BMPR2: variants seen among roughly 807,000 people sequenced by gnomAD.
BMPR2 encodes the protein bone morphogenetic protein receptor type-2.
Under a neutral mutation model 100.8 loss-of-function variants are expected in BMPR2, and 29 were observed. The observed-to-expected ratio is 0.29, with a 90% CI of 0.21 to 0.39. BMPR2 has a LOEUF of 0.39. Among genes scored for constraint, BMPR2 ranks in the 10% least tolerant of loss-of-function variants. The pLI, the probability that BMPR2 is intolerant of heterozygous loss-of-function variation, is 1.00. For synonymous variants in BMPR2, 382 were observed against 442.3 expected, an observed-to-expected ratio of 0.86 and a Z score of 1.71; for missense variants, 1,011 against 1,274.5, an observed-to-expected ratio of 0.79 and a Z score of 3.15.
At chr2:202,464,406 A>G (rs1344284193) in intron 1 of BMPR2, among the ~76,000 whole-genome samples, 5 of 152,172 alleles carry the variant, frequency 3.3e-5, no homozygotes, top group Admixed American at 3.3e-4. Flanking sequence ...AACTGACTAT[A>G]AAATATGATA....
At chr2:202,537,666 C>T (rs1171011836) in intron 9 of BMPR2, among the ~76,000 whole-genome samples, 1 of 151,702 alleles carries the variant, frequency 6.6e-6, no homozygotes, top group Non-Finnish European at 1.5e-5. Flanking sequence ...TTAAAATGAT[C>T]AGTTTTATGT....
chr2:202,542,208 A>C, intron 9 of BMPR2, 103 bp from the exon 10 acceptor site: 1 of 1,345,794 alleles, frequency 7.4e-7, no homozygotes, highest in Non-Finnish European at 1.1e-6. Context: ...AAAGATTGTG[A>C]CACAATTTTT....
chr2:202,430,104 T>C (rs1691474522), intron 1 of BMPR2, among the ~76,000 whole-genome samples: 1 of 152,214 alleles, frequency 6.6e-6, no homozygotes, highest in African/African-American at 2.4e-5. Flanking sequence ...CTGGGTTGCC[T>C]TCCACTGTGA....
At chr2:202,386,743 C>T (rs543767439) in intron 1 of BMPR2, among the ~76,000 whole-genome samples, 9 of 151,624 alleles carry the variant, frequency 5.9e-5, no homozygotes, top group South Asian at 2.1e-4. Flanking sequence ...TACAGTGGCG[C>T]GATCTCGGCT....
intron 1 of BMPR2, among the ~76,000 whole-genome samples, chr2:202,448,425 C>T (rs1030234827): frequency 2.8e-5 from 4 of 142,612 alleles, no homozygotes; most frequent in African/African-American, 1.0e-4. Context: ...CCAGCCTGGG[C>T]GACAGAAGGA....
Position 202,433,832 on chromosome 2 carries a change from C to T in BMPR2, c.77-30977C>T, listed in dbSNP as rs548938094. 5.3e-4 allele frequency among the ~76,000 whole-genome samples: 80 copies of T among 150,328 alleles called. 7 individuals are homozygous for T. The highest frequency in any genetic ancestry group is 1.8e-3 in the African/African-American group (71 of 39,760). ...CTGAGCCAGGAGAATTGCTTGAACC[C>T]GGGAGGCAAAGATTGCAGTGAGCCA... is the stretch of plus-strand genomic sequence containing the variant. On this transcript the variant is annotated intron_variant, in intron 1 of 12. Transcript: ENST00000374580.
chr2:202,467,583 TC>T lies in BMPR2; in HGVS notation c.314del (p.Pro105LeufsTer47), dbSNP rs1574464121. On this transcript the variant is annotated frameshift_variant, in exon 3 of 13. Transcript: ENST00000374580. LOFTEE classifies it high-confidence loss of function. ...ATGAAGAATGTGTAGTAACTACCAC[TC>T]CTCCCTCAATTCAGAATGGAACATA... is the stretch of plus-strand genomic sequence containing the variant. Reference protein sequence around the residue: ...HYEECVVTTTPPSIQNGTYRF... With the variant: ...HYEECVVTTTXPSIQNGTYRF... 1 of 1,582,580 alleles carries T rather than the reference TC, an allele frequency of 6.3e-7. No homozygotes were observed. The highest frequency in any genetic ancestry group is 8.7e-7 in the Non-Finnish European group (1 of 1,151,336).
intron 7 of BMPR2, among the ~76,000 whole-genome samples, chr2:202,527,108 C>G (rs1687928905): frequency 6.6e-6 from 1 of 151,982 alleles, no homozygotes. Flanking sequence ...AGGTGATCCA[C>G]CTGCCTCGAC....
Position 202,566,574 on chromosome 2 carries a change from A to T in BMPR2, c.*6628A>T, listed in dbSNP as rs1335644505. The stretch of plus-strand genomic sequence containing the variant: ...ATTTCTGTTCTTTGGTCAAATGACC[A>T]TACATGATATGGGACAAATTGTTTC... On this transcript the variant is annotated 3_prime_UTR_variant, in exon 13 of 13. Coordinates refer to ENST00000374580, the MANE Select transcript of BMPR2 (RefSeq NM_001204.7). 1 of 152,246 alleles carries T rather than the reference A, an allele frequency of 6.6e-6. No homozygotes were observed. The highest frequency in any genetic ancestry group is 1.5e-5 in the Non-Finnish European group (1 of 68,018). 9.4% of individuals were successfully genotyped at this position (152,246 alleles called of 1,614,324 possible). A position where few individuals can be genotyped will look rare whatever the true frequency, so the allele number is the denominator to read the frequency against.
At chr2:202,387,084 A>T (rs1415599751) in intron 1 of BMPR2, among the ~76,000 whole-genome samples, 1 of 152,212 alleles carries the variant, frequency 6.6e-6, no homozygotes, top group African/African-American at 2.4e-5. Flanking sequence ...AAAATATTGT[A>T]CACAATCTGG....
chr2:202,458,276 G>A (rs1417939112), intron 1 of BMPR2, among the ~76,000 whole-genome samples: 3 of 93,692 alleles, frequency 3.2e-5, no homozygotes, highest in African/African-American at 4.4e-5. Flanking sequence ...GCAAGACCTT[G>A]TCTCTGCAAA....
intron 1 of BMPR2, among the ~76,000 whole-genome samples, chr2:202,462,969 C>T (rs1005003210): frequency 8.5e-5 from 13 of 152,112 alleles, no homozygotes; most frequent in African/African-American, 3.1e-4. Flanking sequence ...GCCTTGGCCT[C>T]CCAAAGTGCC....
chr2:202,496,391 C>T (rs572747890), intron 3 of BMPR2, among the ~76,000 whole-genome samples: 11 of 152,116 alleles, frequency 7.2e-5, no homozygotes, highest in East Asian at 3.9e-4. Context: ...GTGATAGGAT[C>T]GCTTGAGCCT....
Position 202,561,503 on chromosome 2 carries a change from CAG to C in BMPR2, c.*1559_*1560del, listed in dbSNP as rs747678948. ...GTCAAATAATGGACTTTTTTCTAAA[CAG>C]AAATTATTTTCTATTAATTTGCAAA... On this transcript the variant is annotated 3_prime_UTR_variant, in exon 13 of 13. Transcript: ENST00000374580. 11 of 151,874 alleles carry C rather than the reference CAG, an allele frequency of 7.2e-5. No individual in the cohort carries two copies. Among genetic ancestry groups the C allele is most frequent in the African/African-American group, 1.9e-4 (8 of 41,362 alleles). 9.4% of individuals were successfully genotyped at this position (151,874 alleles called of 1,614,324 possible). A position where few individuals can be genotyped will look rare whatever the true frequency, so the allele number is the denominator to read the frequency against.
At chr2:202,479,463 T>TA (rs941800159) in intron 3 of BMPR2, among the ~76,000 whole-genome samples, 1 of 151,014 alleles carries the variant, frequency 6.6e-6, no homozygotes, top group East Asian at 1.9e-4. Context: ...ATTTTTTTAA[T>TA]AAAAAAAAGT....
Position 202,535,777 on chromosome 2 carries a change from C to A in BMPR2, c.1276+3045C>A, listed in dbSNP as rs1273037703. On this transcript the variant is annotated intron_variant, in intron 9 of 12. Coordinates refer to ENST00000374580, the MANE Select transcript of BMPR2 (RefSeq NM_001204.7). ...GTAGCGAGCCGAGATCACGCCACTG[C>A]ACTCCAGCCTGGGCACCATTGAGCA... 2.6e-5 allele frequency among the ~76,000 whole-genome samples: 4 copies of A among 152,214 alleles called. No individual in the cohort carries two copies. The South Asian group carries it at 8.3e-4, about 31-fold the overall frequency.
At chr2:202,383,711 C>T (rs535286620) in intron 1 of BMPR2, among the ~76,000 whole-genome samples, 44 of 150,712 alleles carry the variant, frequency 2.9e-4, no homozygotes, top group African/African-American at 9.5e-4. Context: ...ATTAGCCACG[C>T]GTGGTGGTGC....
At chr2:202,459,335 T>G (rs1034976261) in intron 1 of BMPR2, among the ~76,000 whole-genome samples, 1 of 152,204 alleles carries the variant, frequency 6.6e-6, no homozygotes, top group African/African-American at 2.4e-5. Context: ...ATTAAGAATT[T>G]TCTTTACATT....
At chr2:202,558,249 A>G (rs1056506590) in intron 12 of BMPR2, among the ~76,000 whole-genome samples, 3 of 152,052 alleles carry the variant, frequency 2.0e-5, no homozygotes, top group African/African-American at 7.2e-5. Flanking sequence ...AGTAGCTGGG[A>G]TTACAGACAT....
Sources: gnomAD v4.1 joint callset for allele counts (sites outside exome capture counted in the v4.1 genomes callset) on GRCh38, gnomAD v4.1.1 for gene constraint, MANE v1.5 for transcripts, NCBI Gene and HGNC (gene_info 2026-07-23, HGNC 2026-07-21) for gene names.